Variants in ZNF410 observed in about 807,000 individuals in gnomAD.
ZNF410 encodes the protein another partner for ARF 1.
A neutral mutation model predicts 54.8 loss-of-function variants in ZNF410; 18 were observed. The observed-to-expected ratio is 0.33, with a 90% CI of 0.23 to 0.49. The LOEUF (loss-of-function observed/expected upper bound fraction) is 0.49. ZNF410 is among the 20% of genes least tolerant of loss of function. The probability of loss-of-function intolerance (pLI) is 0.99; values close to 1 mark genes in which losing one functional copy is unlikely to be tolerated. For missense variants in ZNF410, 405 were observed against 569.6 expected (o/e 0.71, Z 2.94); for synonymous variants, 191 against 207.3 (o/e 0.92, Z 0.68).
At chr14:73,899,848 C>T (rs1056417086) in intron 5 of ZNF410, among the ~76,000 whole-genome samples, 3 of 152,184 alleles carry the variant, frequency 2.0e-5, no homozygotes, top group African/African-American at 7.2e-5. Flanking sequence ...TTCTTACTCT[C>T]AAAGTATGTT....
chr14:73,905,994 T>TATATATATATATAC (rs1293177402), intron 7 of ZNF410, among the ~76,000 whole-genome samples: 11 of 136,588 alleles, frequency 8.1e-5, no homozygotes, highest in African/African-American at 2.9e-4. Context: ...TATATATATA[T>TATATATATATATAC]ACACACATAC....
chr14:73,903,321 C>T (rs72627126), intron 5 of ZNF410, among the ~76,000 whole-genome samples: 23,324 of 152,092 alleles, frequency 0.15, 2,354 homozygotes, highest in East Asian at 0.49. Flanking sequence ...CTCCACCAAA[C>T]TGTGTAATGC....
intron 4 of ZNF410, 81 bp from the exon 5 acceptor site, chr14:73,897,990 A>AAT: frequency 9.3e-6 from 11 of 1,187,470 alleles, no homozygotes; most frequent in South Asian, 3.3e-5. Context: ...AAAAAAAAAA[A>AAT]GGGACATGGA....
In ZNF410 at chr14:73,932,467, A is replaced by G. The variant is rs1459696216; in HGVS notation, c.*926A>G. 4.4e-6 allele frequency: 2 copies of G among 454,236 alleles called. No homozygotes were observed. Among genetic ancestry groups the G allele is most frequent in the Non-Finnish European group, 8.8e-6 (2 of 226,520 alleles). The allele number at this position is 454,236 out of a possible 1,614,324, so 28.1% of individuals were successfully genotyped here. A position where few individuals can be genotyped will look rare whatever the true frequency, so the allele number is the denominator to read the frequency against. ...GGTGATAGTTACTCTGTCACCACCA[A>G]AAAAGACGCATCTGAGAAAATGGCA... On this transcript the variant is annotated 3_prime_UTR_variant, in exon 12 of 12. Coordinates refer to ENST00000555044, the MANE Select transcript of ZNF410 (RefSeq NM_021188.3).
At position 73,930,736 on chromosome 14, in the gene ZNF410, A is replaced by G. The variant is rs370647987; in HGVS notation, c.1399-767A>G. Among the ~76,000 whole-genome samples, 727 of 152,036 alleles carry G rather than the reference A, an allele frequency of 4.8e-3. 53 individuals carry two copies. In the South Asian group the frequency reaches 0.14, roughly 28 times the overall value. On this transcript the variant is annotated intron_variant, in intron 11 of 11. Transcript: ENST00000555044. ...TCCTCCCTCAGCCTCCCAAGTAGCT[A>G]GGACTGCAAGCATGTACCACCATGC...
intron 9 of ZNF410, 99 bp from the exon 10 acceptor site, chr14:73,921,967 T>G: frequency 6.9e-7 from 1 of 1,452,216 alleles, no homozygotes; most frequent in Non-Finnish European, 9.4e-7. Flanking sequence ...TAGGTTAACT[T>G]CTAGTAATGA....
intron 8 of ZNF410, among the ~76,000 whole-genome samples, chr14:73,910,861 CAA>C (rs540690694): frequency 2.5e-4 from 17 of 68,594 alleles, no homozygotes; most frequent in Non-Finnish European, 2.2e-4. Flanking sequence ...GACCCTGTCT[CAA>C]AAAAAAAAAA....
intron 11 of ZNF410, among the ~76,000 whole-genome samples, chr14:73,930,730 G>A (rs548560951): frequency 1.3e-4 from 20 of 152,080 alleles, no homozygotes; most frequent in African/African-American, 4.8e-4. Flanking sequence ...AGCCTCCCAA[G>A]TAGCTAGGAC....
chr14:73,912,327 G>A (rs949051726), intron 8 of ZNF410, among the ~76,000 whole-genome samples: 2 of 151,550 alleles, frequency 1.3e-5, no homozygotes, highest in African/African-American at 4.8e-5. Flanking sequence ...GTGCCACCAC[G>A]CCCGACTAAT....
At chr14:73,895,691 G>A (rs1338590458) in intron 3 of ZNF410, among the ~76,000 whole-genome samples, 2 of 152,134 alleles carry the variant, frequency 1.3e-5, no homozygotes, top group African/African-American at 4.8e-5. Context: ...CAGGCCGGGC[G>A]TGGTGGCTCA....
At chr14:73,909,528 T>C in intron 8 of ZNF410, 98 bp downstream of exon 8, 3 of 939,480 alleles carry the variant, frequency 3.2e-6, no homozygotes, top group East Asian at 4.9e-5. Flanking sequence ...AGAAACAAAC[T>C]GTTCACTATA....
chr14:73,915,277 G>GAA (rs1245439608), intron 8 of ZNF410, among the ~76,000 whole-genome samples: 7 of 146,724 alleles, frequency 4.8e-5, no homozygotes, highest in Non-Finnish European at 9.0e-5. Flanking sequence ...AAAAAAAAGT[G>GAA]GTGAGAGTAC....
chr14:73,899,984 T>G (rs1241907319), intron 5 of ZNF410, among the ~76,000 whole-genome samples: 1 of 151,998 alleles, frequency 6.6e-6, no homozygotes, highest in Non-Finnish European at 1.5e-5. Context: ...TCATCTGAGG[T>G]CAGGAATTCG....
Position 73,898,244 on chromosome 14 carries a change from G to A in ZNF410, c.562G>A (p.Ala188Thr). Residue 188 changes from alanine to threonine, a missense_variant, in exon 5 of 12, where the codon GCA becomes ACA. Around this residue, in one of 3 missense-constraint regions of ZNF410, gnomAD observed 247 missense variants for 342.8 expected, o/e 0.72. Coordinates refer to ENST00000555044, the MANE Select transcript of ZNF410 (RefSeq NM_021188.3). ...TACTCGTGCACAACTGGCAAAGAAT[G>A]CAAAAACCAGCAGCAATGGTGAGGC... ...AATRAQLAKN[A>T]KTSSNGENVH... The A allele has an allele frequency of 1.9e-6, 3 of 1,614,066 alleles. No homozygotes were observed. The South Asian group carries it at 3.3e-5, about 18-fold the overall frequency.
chr14:73,903,498 T>C (rs1303045337), intron 5 of ZNF410, among the ~76,000 whole-genome samples: 1 of 152,042 alleles, frequency 6.6e-6, no homozygotes, highest in African/African-American at 2.4e-5. Flanking sequence ...TCATTATATT[T>C]ATTTATTTTT....
chr14:73,915,116 T>C (rs1196109059), intron 8 of ZNF410, among the ~76,000 whole-genome samples: 28 of 150,636 alleles, frequency 1.9e-4, no homozygotes, highest in Admixed American at 1.8e-3. Flanking sequence ...TACAAAATTA[T>C]CCAGGTGTGG....
intron 8 of ZNF410, chr14:73,916,531 C>T (rs1166482224): frequency 6.6e-6 from 1 of 152,080 alleles, no homozygotes; most frequent in Non-Finnish European, 1.5e-5. Context: ...TTTGACATGA[C>T]CCATTTGTCT....
intron 11 of ZNF410, among the ~76,000 whole-genome samples, chr14:73,931,145 A>G (rs111951979): frequency 3.9e-5 from 6 of 152,100 alleles, no homozygotes; most frequent in African/African-American, 9.7e-5. Flanking sequence ...CCTTCAGCCT[A>G]TCCTTTGGCT....
intron 3 of ZNF410, 98 bp from the exon 4 acceptor site, chr14:73,896,217 AG>A: frequency 1.2e-6 from 1 of 810,186 alleles, no homozygotes; most frequent in Non-Finnish European, 2.0e-6. Flanking sequence ...TGTTGCTATA[AG>A]GATGTTAGCT....
Sources: allele counts gnomAD v4.1 joint callset (sites outside exome capture counted in the v4.1 genomes callset), GRCh38; gene constraint gnomAD v4.1.1; regional missense constraint gnomAD v4.1.1; transcripts MANE v1.5; gene names NCBI Gene and HGNC (gene_info 2026-07-23, HGNC 2026-07-21).